The following TTC39B variants were observed in gnomAD, a reference collection of about 807,000 sequenced individuals.
TTC39B encodes the protein tetratricopeptide repeat domain 39B.
In TTC39B, 92 loss-of-function variants were observed where a neutral mutation model predicts 96.6. The observed-to-expected ratio is 0.95, with a 90% CI of 0.80 to 1.13. TTC39B has a LOEUF of 1.13. Among genes scored for constraint, TTC39B ranks in the 50% most tolerant of loss-of-function variants. TTC39B has a pLI of 0.00. For missense variants in TTC39B, 955 were observed against 809.3 expected (o/e 1.18, Z -2.18); for synonymous variants, 367 against 299.4 (o/e 1.23, Z -2.33).
At chr9:15,239,425 A>G (rs558338137) in intron 2 of TTC39B, among the ~76,000 whole-genome samples, 1 of 152,348 alleles carries the variant, frequency 6.6e-6, no homozygotes, top group South Asian at 2.1e-4. Context: ...GTATCTACCC[A>G]AAGGAAAAGA....
At chr9:15,198,006 A>G (rs578237921) in intron 8 of TTC39B, among the ~76,000 whole-genome samples, 1 of 152,356 alleles carries the variant, frequency 6.6e-6, no homozygotes, top group African/African-American at 2.4e-5. Context: ...TTTAGTCTGA[A>G]AGTAAACAGG....
rs1820736676 is a variant in TTC39B, at chr9:15,219,733, G to A, written c.372-5484C>T. 2.0e-5 allele frequency among the ~76,000 whole-genome samples: 3 copies of A among 152,148 alleles called. No individual in the cohort carries two copies. The South Asian group carries it at 6.2e-4, about 31-fold the overall frequency. On this transcript the variant is annotated intron_variant, in intron 3 of 19. Transcript: ENST00000512701. ...AAGGAATTAATTATCTGATTGGTGA[G>A]TTGGAAAGAAACACAGGGCATAAAT...
intron 2 of TTC39B, among the ~76,000 whole-genome samples, chr9:15,264,384 G>C (rs1158209405): frequency 6.6e-6 from 1 of 152,164 alleles, no homozygotes; most frequent in African/African-American, 2.4e-5. Flanking sequence ...AGGCGCAGTG[G>C]CTCATGCCTG....
chr9:15,182,284 C>CG, intron 17 of TTC39B, 23 bp downstream of exon 17: 1 of 1,494,328 alleles, frequency 6.7e-7, no homozygotes, highest in Non-Finnish European at 9.2e-7. Context: ...AAAGGCTCCT[C>CG]GGTGCTTACT....
At chr9:15,289,955 G>C (rs973426020) in intron 1 of TTC39B, among the ~76,000 whole-genome samples, 15 of 152,108 alleles carry the variant, frequency 9.9e-5, no homozygotes, top group Admixed American at 5.9e-4. Flanking sequence ...TCCAGTGTGA[G>C]AGCCAAAGCC....
intron 1 of TTC39B, among the ~76,000 whole-genome samples, chr9:15,282,807 A>G (rs191243801): frequency 2.0e-5 from 3 of 152,330 alleles, no homozygotes; most frequent in African/African-American, 7.2e-5. Context: ...TAAGTGGCAG[A>G]ATCAGGATTT....
chr9:15,235,377 C>A (rs1052158769), intron 2 of TTC39B, among the ~76,000 whole-genome samples: 1 of 152,110 alleles, frequency 6.6e-6, no homozygotes, highest in Admixed American at 6.5e-5. Flanking sequence ...AAGTAAGCAA[C>A]CTGGAAAATA....
At chr9:15,260,123 A>T (rs56257383) in intron 2 of TTC39B, among the ~76,000 whole-genome samples, 8,105 of 152,218 alleles carry the variant, frequency 0.053, 249 homozygotes, top group East Asian at 0.07. Flanking sequence ...GTTTAAAAAA[A>T]TTCTCTGAGT....
At chr9:15,210,319 T>C (rs1360968011) in intron 5 of TTC39B, among the ~76,000 whole-genome samples, 155 bp from the exon 6 acceptor site, 2 of 152,226 alleles carry the variant, frequency 1.3e-5, no homozygotes, top group Non-Finnish European at 2.9e-5. Context: ...GATCATCCTT[T>C]TCCAACACTC....
chr9:15,201,498 T>C (rs931945970), intron 7 of TTC39B, among the ~76,000 whole-genome samples: 1 of 152,190 alleles, frequency 6.6e-6, no homozygotes, highest in African/African-American at 2.4e-5. Flanking sequence ...ATTGGTGCTT[T>C]AAGCACAAAA....
intron 1 of TTC39B, among the ~76,000 whole-genome samples, chr9:15,281,086 GC>G (rs200643577): frequency 0.012 from 1,839 of 151,480 alleles, 40 homozygotes; most frequent in African/African-American, 0.042. Flanking sequence ...CCAGCATCTA[GC>G]CCAGATGTCC....
At chr9:15,289,936 CT>C (rs1279318497) in intron 1 of TTC39B, among the ~76,000 whole-genome samples, 6 of 152,108 alleles carry the variant, frequency 3.9e-5, no homozygotes, top group South Asian at 2.1e-4. Flanking sequence ...CTTGACCCCC[CT>C]GATGATGTCC....
At chr9:15,270,823 G>A (rs1823322784) in intron 1 of TTC39B, among the ~76,000 whole-genome samples, 1 of 152,030 alleles carries the variant, frequency 6.6e-6, no homozygotes, top group African/African-American at 2.4e-5. Context: ...GGGGCAGAGA[G>A]TTTTCTAAAT....
At chr9:15,234,308 C>CA (rs1564374114) in intron 2 of TTC39B, among the ~76,000 whole-genome samples, 2 of 143,064 alleles carry the variant, frequency 1.4e-5, no homozygotes, top group African/African-American at 5.3e-5. Context: ...GGAGGGAAGT[C>CA]GGGGGGTCAG....
intron 16 of TTC39B, among the ~76,000 whole-genome samples, chr9:15,182,704 C>T (rs921675202): frequency 4.6e-5 from 7 of 151,812 alleles, no homozygotes; most frequent in Non-Finnish European, 1.0e-4. Flanking sequence ...TATTTTAAAC[C>T]GATACTATGA....
intron 2 of TTC39B, among the ~76,000 whole-genome samples, chr9:15,227,521 G>C (rs1047233396): frequency 3.3e-5 from 5 of 152,156 alleles, no homozygotes; most frequent in African/African-American, 9.7e-5. Flanking sequence ...TGGGTGGTGG[G>C]AGGGAAGAAA....
At chr9:15,278,233 A>G (rs957544338) in intron 1 of TTC39B, among the ~76,000 whole-genome samples, 3 of 152,226 alleles carry the variant, frequency 2.0e-5, no homozygotes, top group African/African-American at 7.2e-5. Context: ...CAATCTTAAC[A>G]TTGAACAAAT....
intron 3 of TTC39B, among the ~76,000 whole-genome samples, chr9:15,215,624 G>A (rs1277305806): frequency 3.3e-5 from 5 of 150,530 alleles, no homozygotes; most frequent in African/African-American, 7.3e-5. Flanking sequence ...TTGGGAGGCC[G>A]AGGCAGGTGG....
intron 2 of TTC39B, among the ~76,000 whole-genome samples, chr9:15,244,141 G>A (rs1451314168): frequency 6.6e-6 from 1 of 152,196 alleles, no homozygotes; most frequent in African/African-American, 2.4e-5. Flanking sequence ...TGTTGGATTG[G>A]CAAGAGATAG....
Sources: gnomAD v4.1 joint callset for allele counts (sites outside exome capture counted in the v4.1 genomes callset) on GRCh38, gnomAD v4.1.1 for gene constraint, MANE v1.5 for transcripts, NCBI Gene and HGNC (gene_info 2026-07-23, HGNC 2026-07-21) for gene names.